ADCK1: variants seen among roughly 807,000 people sequenced by gnomAD.
ADCK1 encodes aarF domain containing kinase 1.
A neutral mutation model predicts 52.3 loss-of-function variants in ADCK1; 41 were observed. The observed-to-expected ratio is 0.78, with a 90% CI of 0.61 to 1.02. The LOEUF (loss-of-function observed/expected upper bound fraction) is 1.02. Among genes scored for constraint, ADCK1 ranks in the 50% least tolerant of loss-of-function variants. ADCK1 has a pLI of 0.00. For missense variants in ADCK1, 658 were observed against 679.5 expected (o/e 0.97, Z 0.35); for synonymous variants, 250 against 274.6 (o/e 0.91, Z 0.89).
chr14:77,899,934 G>T (rs1486563550), intron 6 of ADCK1, among the ~76,000 whole-genome samples: 1 of 151,990 alleles, frequency 6.6e-6, no homozygotes, highest in African/African-American at 2.4e-5. Flanking sequence ...GCCTGGCGTG[G>T]TGGCATGTGC....
chr14:77,802,215 A>G (rs2081124293), intron 1 of ADCK1, among the ~76,000 whole-genome samples: 1 of 151,952 alleles, frequency 6.6e-6, no homozygotes, highest in Non-Finnish European at 1.5e-5. Flanking sequence ...CTCTAATAGC[A>G]TGCACCTCGG....
chr14:77,841,553 A>T (rs527641931), intron 3 of ADCK1, among the ~76,000 whole-genome samples: 1 of 148,296 alleles, frequency 6.7e-6, no homozygotes, highest in Admixed American at 6.7e-5. Flanking sequence ...GGCCAGGCTT[A>T]GTGGTTCAGG....
chr14:77,805,941 A>G (rs943509749), intron 1 of ADCK1, among the ~76,000 whole-genome samples: 3 of 149,726 alleles, frequency 2.0e-5, no homozygotes, highest in Non-Finnish European at 4.4e-5. Context: ...AAACTATGCT[A>G]CATTTTAGCA....
At chr14:77,930,070 C>T (rs558455467) in intron 9 of ADCK1, among the ~76,000 whole-genome samples, 2 of 152,254 alleles carry the variant, frequency 1.3e-5, no homozygotes, top group East Asian at 1.9e-4. Flanking sequence ...TGAGAGCTGT[C>T]CCCCGGTAGT....
At chr14:77,868,132 G>A (rs1437230241) in intron 4 of ADCK1, among the ~76,000 whole-genome samples, 1 of 152,312 alleles carries the variant, frequency 6.6e-6, no homozygotes, top group South Asian at 2.1e-4. Context: ...TTGGACAAAA[G>A]TTATCTGGGA....
At chr14:77,905,655 A>G (rs1356445496) in intron 6 of ADCK1, among the ~76,000 whole-genome samples, 1 of 151,896 alleles carries the variant, frequency 6.6e-6, no homozygotes, top group Non-Finnish European at 1.5e-5. Context: ...GAAGCCATGA[A>G]CAAAAACAAC....
chr14:77,802,233 T>C (rs1387782278), intron 1 of ADCK1, among the ~76,000 whole-genome samples: 1 of 152,098 alleles, frequency 6.6e-6, no homozygotes, highest in Non-Finnish European at 1.5e-5. Context: ...CGGAATCTGG[T>C]TGTGTGAGTT....
intron 3 of ADCK1, among the ~76,000 whole-genome samples, chr14:77,842,997 C>A (rs2140095593): frequency 6.6e-6 from 1 of 150,560 alleles, no homozygotes; most frequent in Middle Eastern, 3.4e-3. Context: ...TCAAGTGATT[C>A]TCCTGCCTCA....
chr14:77,854,778 T>C (rs1163642188), intron 3 of ADCK1, among the ~76,000 whole-genome samples: 1 of 152,126 alleles, frequency 6.6e-6, no homozygotes, highest in Non-Finnish European at 1.5e-5. Flanking sequence ...AAGCTGGTCT[T>C]GGACTCCTGA....
chr14:77,802,721 C>T (rs982706175), intron 1 of ADCK1, among the ~76,000 whole-genome samples: 1 of 152,092 alleles, frequency 6.6e-6, no homozygotes, highest in African/African-American at 2.4e-5. Flanking sequence ...GAAGCCAAGG[C>T]GGGCGGATCA....
intron 5 of ADCK1, among the ~76,000 whole-genome samples, chr14:77,890,205 T>C (rs1444440816): frequency 6.6e-6 from 1 of 152,254 alleles, no homozygotes; most frequent in African/African-American, 2.4e-5. Flanking sequence ...ATCTGTTTTA[T>C]GCAGCTCTAG....
At chr14:77,877,526 C>T (rs1431946778) in intron 4 of ADCK1, among the ~76,000 whole-genome samples, 3 of 152,178 alleles carry the variant, frequency 2.0e-5, no homozygotes, top group Non-Finnish European at 2.9e-5. Context: ...TGGGCAGGAG[C>T]TGTGGATGGG....
At chr14:77,873,954 A>T (rs1249777445) in intron 4 of ADCK1, among the ~76,000 whole-genome samples, 1 of 152,238 alleles carries the variant, frequency 6.6e-6, no homozygotes, top group African/African-American at 2.4e-5. Context: ...GGATCATGGC[A>T]TTAGAAAGGC....
At chr14:77,817,795 G>T (rs2081490205) in intron 1 of ADCK1, among the ~76,000 whole-genome samples, 1 of 151,926 alleles carries the variant, frequency 6.6e-6, no homozygotes, top group Non-Finnish European at 1.5e-5. Flanking sequence ...GAGTGCAGTG[G>T]CGCAATCTCG....
intron 7 of ADCK1, among the ~76,000 whole-genome samples, chr14:77,917,471 A>G (rs1299715998): frequency 6.6e-6 from 1 of 152,238 alleles, no homozygotes; most frequent in Non-Finnish European, 1.5e-5. Flanking sequence ...GTGGGAATAA[A>G]TTAATCCATG....
chr14:77,825,593 G>A (rs550968597), intron 3 of ADCK1, among the ~76,000 whole-genome samples: 1 of 152,130 alleles, frequency 6.6e-6, no homozygotes, highest in East Asian at 1.9e-4. Flanking sequence ...GGATGTGACA[G>A]GTCCTGAATA....
intron 9 of ADCK1, among the ~76,000 whole-genome samples, chr14:77,929,554 A>C (rs949799422): frequency 2.0e-5 from 3 of 152,224 alleles, no homozygotes; most frequent in African/African-American, 7.2e-5. Flanking sequence ...GTCATGTGGC[A>C]AGGGGCTGAG....
At chr14:77,869,897 A>G (rs1003346890) in intron 4 of ADCK1, among the ~76,000 whole-genome samples, 1 of 152,046 alleles carries the variant, frequency 6.6e-6, no homozygotes, top group African/African-American at 2.4e-5. Flanking sequence ...CAATTTCAGG[A>G]CTCTGATTGA....
intron 3 of ADCK1, among the ~76,000 whole-genome samples, chr14:77,831,884 A>C (rs1008376369): frequency 6.6e-6 from 1 of 152,112 alleles, no homozygotes; most frequent in African/African-American, 2.4e-5. Flanking sequence ...CTCTATAACT[A>C]TTCCACTGCA....
Sources: gnomAD v4.1 joint callset for allele counts (sites outside exome capture counted in the v4.1 genomes callset) on GRCh38, gnomAD v4.1.1 for gene constraint, MANE v1.5 for transcripts, NCBI Gene and HGNC (gene_info 2026-07-23, HGNC 2026-07-21) for gene names.